Variants in EPRS1 observed in about 807,000 individuals in gnomAD.
EPRS1 encodes the protein bifunctional glutamate/proline--tRNA ligase.
A neutral mutation model predicts 188.3 loss-of-function variants in EPRS1; 107 were observed. That is an observed-to-expected ratio of 0.57 (90% CI 0.49 to 0.67). EPRS1 has a LOEUF of 0.67. Among genes scored for constraint, EPRS1 ranks in the 30% least tolerant of loss-of-function variants. The pLI, the probability that EPRS1 is intolerant of heterozygous loss-of-function variation, is 0.00. For missense variants in EPRS1, 1,577 were observed against 1,802.2 expected (o/e 0.88, Z 2.26); for synonymous variants, 596 against 593.1 (o/e 1.00, Z -0.07).
At position 219,983,516 on chromosome 1, in the gene EPRS1, T is replaced by A; in HGVS notation, c.3091-118A>T. 4 of 666,910 alleles carry A rather than the reference T, an allele frequency of 6.0e-6. No individual in the cohort carries two copies. In the South Asian group the frequency reaches 7.9e-5, roughly 13 times the overall value. 41.3% of individuals were successfully genotyped at this position (666,910 alleles called of 1,614,324 possible). A position where few individuals can be genotyped will look rare whatever the true frequency, so the allele number is the denominator to read the frequency against. The stretch of plus-strand genomic sequence containing the variant: ...GGCTTCTACTGTTGATAACATCCCC[T>A]TAATGTGGGAGGTCATAATGGAAGT... On this transcript the variant is annotated intron_variant, in intron 21 of 31. Transcript: ENST00000366923.
In EPRS1 at chr1:219,973,367, C is replaced by T. The variant is rs147574977; in HGVS notation, c.4115G>A (p.Arg1372His). 4.2e-5 allele frequency: 67 copies of T among 1,611,068 alleles called. No individual in the cohort carries two copies. The highest frequency in any genetic ancestry group is 5.2e-5 in the Non-Finnish European group (61 of 1,178,932). Reference protein sequence around the residue: ...GVPIRLEVGPRDMKSCQFVAV... With the variant: ...GVPIRLEVGPHDMKSCQFVAV... Reference sequence around the variant, plus strand: ...TACAAACTGACAGCTCTTCATATCACGTGGCCCAACTTCAAGTCTAATGGG... The same window carrying T: ...TACAAACTGACAGCTCTTCATATCATGTGGCCCAACTTCAAGTCTAATGGG... Residue 1372 changes from arginine to histidine, a missense_variant, in exon 29 of 32, where the codon CGT (arginine) becomes CAT (histidine). By Grantham distance (29) the Arg-to-His change is conservative (BLOSUM62 0). This residue lies in a region of EPRS1 where 296 missense variants were observed against 327.9 expected (regional missense o/e 0.90). Transcript: ENST00000366923.
rs778344750 is a variant in EPRS1 at position 220,046,425 on chromosome 1, G to T, written c.-37C>A. 1.2e-6 allele frequency: 2 copies of T among 1,613,260 alleles called. No homozygotes were observed. Among genetic ancestry groups the T allele is most frequent in the East Asian group, 4.5e-5 (2 of 44,850 alleles). ...CGCTGGTCCACCTGTCAGTACGCCT[G>T]GCTCGTGCCAGAACTACGGAGGACC... On this transcript the variant is annotated 5_prime_UTR_variant, in exon 1 of 32. Transcript: ENST00000366923.
chr1:220,001,897 C>T (rs1019694752), intron 16 of EPRS1, among the ~76,000 whole-genome samples: 1 of 151,778 alleles, frequency 6.6e-6, no homozygotes, highest in East Asian at 1.9e-4. Context: ...GGCGTGGCGG[C>T]GGGTGCCTGT....
At chr1:219,976,861 G>T (rs1487836544) in intron 28 of EPRS1, among the ~76,000 whole-genome samples, 1 of 152,100 alleles carries the variant, frequency 6.6e-6, no homozygotes, top group Non-Finnish European at 1.5e-5. Context: ...AACTTTAAAA[G>T]ATTCGTGTTT....
At chr1:220,016,074 G>C (rs1484665825) in intron 12 of EPRS1, among the ~76,000 whole-genome samples, 1 of 152,084 alleles carries the variant, frequency 6.6e-6, no homozygotes, top group African/African-American at 2.4e-5. Context: ...AGGGGGGCTT[G>C]GTGGCTCACA....
chr1:220,021,001 A>C (rs1768674), intron 9 of EPRS1, among the ~76,000 whole-genome samples: 1 of 150,886 alleles, frequency 6.6e-6, no homozygotes, highest in Non-Finnish European at 1.5e-5. Context: ...TCAGCCTCCC[A>C]GGTATAGATG....
chr1:219,982,489 A>C, intron 23 of EPRS1: 1 of 250,784 alleles, frequency 4.0e-6, no homozygotes, highest in Non-Finnish European at 7.4e-6. Context: ...AATAAAAATT[A>C]TTCTAAGAAT....
In EPRS1 at chr1:220,010,821, A is replaced by AG. The variant is rs1306373022; in HGVS notation, c.1605+124_1605+125insC. 121 of 582,714 alleles carry AG rather than the reference A, an allele frequency of 2.1e-4. No individual in the cohort carries two copies. In the African/African-American group the frequency reaches 2.2e-3, roughly 11 times the overall value. 36.1% of individuals were successfully genotyped at this position (582,714 alleles called of 1,614,324 possible). ...AAGACTACGTCTCAAAAAAAAAAAA[A>AG]AAAAGAAAGAAAGAAAGAAAATCAT... On this transcript the variant is annotated intron_variant, in intron 13 of 31. Transcript: ENST00000366923.
In EPRS1 at chr1:219,983,340, C is replaced by T. The variant is rs938652903; in HGVS notation, c.3149G>A (p.Arg1050His). Residue 1050 changes from arginine (R) to histidine (H), a missense_variant, in exon 22 of 32, where the codon CGT becomes CAT. Around this residue, in one of 3 missense-constraint regions of EPRS1, gnomAD observed 1,278 missense variants for 1,457.4 expected, o/e 0.88. Coordinates refer to ENST00000366923, the MANE Select transcript of EPRS1 (RefSeq NM_004446.3). The stretch of plus-strand genomic sequence containing the variant: ...TTCCCAAATGGCATAGGCCCAGGGA[C>T]GAAGAATATAACAGCCACTTATGTC... ...YHDISGCYIL[R>H]PWAYAIWEAI... The T allele has an allele frequency of 2.5e-6, 4 of 1,613,912 alleles. No homozygotes were observed. The highest frequency in any genetic ancestry group is 2.2e-5 in the South Asian group (2 of 91,080).
intron 2 of EPRS1, 89 bp from the exon 3 acceptor site, chr1:220,035,102 T>A: frequency 1.5e-6 from 1 of 651,674 alleles, no homozygotes; most frequent in Non-Finnish European, 2.7e-6. Flanking sequence ...AAATGGAAAC[T>A]TTATTATATT....
chr1:220,026,035 C>T (rs765802212), intron 6 of EPRS1, among the ~76,000 whole-genome samples: 2 of 152,132 alleles, frequency 1.3e-5, no homozygotes, highest in African/African-American at 2.4e-5. Flanking sequence ...CCTCGTGATC[C>T]GCCTGCCTTG....
rs1267866269 is a variant in EPRS1 at position 220,027,851 on chromosome 1, TTAAA to T, written c.623+2531_623+2534del. Among the ~76,000 whole-genome samples, 3 of 151,378 alleles carry T rather than the reference TTAAA, an allele frequency of 2.0e-5. No individual in the cohort carries two copies. The East Asian group carries it at 5.8e-4, about 29-fold the overall frequency. ...TACAAAAAATTAATTAATTAATTAA[TTAAA>T]AATTTTTTAAAAAAAGGGCTGTATG... is the stretch of plus-strand genomic sequence containing the variant. On this transcript the variant is annotated intron_variant, in intron 6 of 31. Coordinates refer to ENST00000366923, the MANE Select transcript of EPRS1 (RefSeq NM_004446.3).
At chr1:219,995,027 A>G (rs1463589920) in intron 18 of EPRS1, among the ~76,000 whole-genome samples, 1 of 152,074 alleles carries the variant, frequency 6.6e-6, no homozygotes, top group African/African-American at 2.4e-5. Context: ...GTTTCCAAGA[A>G]CCTATGAACA....
At chr1:220,045,366 T>C (rs1662381036) in intron 1 of EPRS1, among the ~76,000 whole-genome samples, 1 of 151,944 alleles carries the variant, frequency 6.6e-6, no homozygotes, top group African/African-American at 2.4e-5. Context: ...TAGCCAGGCA[T>C]GGTGGCACGC....
chr1:219,979,524 G>A lies in EPRS1; in HGVS notation c.3803C>T (p.Ala1268Val). The change falls in exon 27 of 32, where the codon GCC (alanine) becomes GTC (valine). Residue 1268 changes from alanine (A) to valine (V), a missense_variant. Ala to Val is a moderately conservative substitution (Grantham distance 64, BLOSUM62 0). Coordinates refer to ENST00000366923, the MANE Select transcript of EPRS1 (RefSeq NM_004446.3). ...TGTCAGGCCCCAGGAGTTTTGATAG[G>A]CAAATTGCTTCTCTCCTGGTATCTT... ...DPKIPGEKQF[A>V]YQNSWGLTTR... The A allele has an allele frequency of 6.2e-7, 1 of 1,613,642 alleles. No individual in the cohort carries two copies. The highest frequency in any genetic ancestry group is 8.5e-7 in the Non-Finnish European group (1 of 1,179,644).
At chr1:220,001,103 T>C in intron 17 of EPRS1, 35 bp downstream of exon 17, 1 of 1,151,772 alleles carries the variant, frequency 8.7e-7, no homozygotes, top group Non-Finnish European at 1.3e-6. Context: ...AGAAAGACCA[T>C]TTATTTTTAT....
intron 8 of EPRS1, among the ~76,000 whole-genome samples, 155 bp downstream of exon 8, chr1:220,024,109 G>A (rs915174655): frequency 1.1e-4 from 16 of 152,216 alleles, no homozygotes; most frequent in Non-Finnish European, 1.6e-4. Context: ...CCGAGATCGC[G>A]CCATTGTACT....
At chr1:220,023,718 T>C (rs1476383281) in intron 8 of EPRS1, among the ~76,000 whole-genome samples, 1 of 152,204 alleles carries the variant, frequency 6.6e-6, no homozygotes, top group South Asian at 2.1e-4. Flanking sequence ...ATGAATACAA[T>C]GCAAAAGACT....
At chr1:220,027,732 C>T (rs1345038780) in intron 6 of EPRS1, among the ~76,000 whole-genome samples, 4 of 151,988 alleles carry the variant, frequency 2.6e-5, no homozygotes, top group East Asian at 1.9e-4. Context: ...CCTGTAATCC[C>T]GACACTATGG....
Sources: gnomAD v4.1 joint callset for allele counts (sites outside exome capture counted in the v4.1 genomes callset) on GRCh38, gnomAD v4.1.1 for gene constraint, gnomAD v4.1.1 regional missense constraint, MANE v1.5 for transcripts, NCBI Gene and HGNC (gene_info 2026-07-23, HGNC 2026-07-21) for gene names.